The following ZNF420 variants were observed in gnomAD, a reference collection of about 807,000 sequenced individuals.
The protein encoded by ZNF420 is ATM and p53-associated KZNF protein.
In ZNF420, 31 loss-of-function variants were observed where a neutral mutation model predicts 44.7. That is an observed-to-expected ratio of 0.69 (90% CI 0.52 to 0.94). The LOEUF (loss-of-function observed/expected upper bound fraction) is 0.94, where lower values mean the gene tolerates loss of function less well. Ranked by LOEUF, ZNF420 falls within the 40% of genes least tolerant of loss-of-function variation. ZNF420 has a pLI of 0.00. For synonymous variants in ZNF420, 245 were observed against 267.4 expected, an observed-to-expected ratio of 0.92 and a Z score of 0.82; for missense variants, 681 against 827.9, an observed-to-expected ratio of 0.82 and a Z score of 2.18.
intron 1 of ZNF420, among the ~76,000 whole-genome samples, chr19:37,023,875 T>C (rs1368910086): frequency 6.6e-6 from 1 of 152,114 alleles, no homozygotes; most frequent in Non-Finnish European, 1.5e-5. Context: ...GTGGTATAAA[T>C]ACATTGACAC....
intron 1 of ZNF420, among the ~76,000 whole-genome samples, chr19:37,032,831 C>T (rs555291515): frequency 6.6e-6 from 1 of 152,222 alleles, no homozygotes; most frequent in South Asian, 2.1e-4. Flanking sequence ...GGACCTAGAG[C>T]AGCAGGAGGT....
chr19:37,130,042 C>G lies in ZNF420; in HGVS notation c.*984C>G. 6.5e-7 allele frequency: 1 copy of G among 1,538,174 alleles called. No homozygotes were observed. Among genetic ancestry groups the G allele is most frequent in the Middle Eastern group, 1.7e-4 (1 of 5,930 alleles). On this transcript the variant is annotated 3_prime_UTR_variant, in exon 5 of 5. Transcript: ENST00000337995. ...TTCTGGGCTGAAAATCTCAGCCTTC[C>G]TTGCAGGTCAACAAGATAGAAGTGA...
At chr19:37,012,812 G>C (rs1054273154) in intron 1 of ZNF420, among the ~76,000 whole-genome samples, 21 of 142,042 alleles carry the variant, frequency 1.5e-4, no homozygotes, top group Admixed American at 2.8e-4. Context: ...GTGTGTGTGT[G>C]TCTCCCATTC....
upstream of ZNF420, among the ~76,000 whole-genome samples, chr19:37,073,434 A>T (rs570447162): frequency 3.9e-5 from 6 of 152,330 alleles, no homozygotes; most frequent in East Asian, 1.2e-3. Flanking sequence ...AATGCACAAT[A>T]TAAGTACGAA....
intron 1 of ZNF420, among the ~76,000 whole-genome samples, chr19:37,029,554 C>CTT (rs1017561340): frequency 7.0e-6 from 1 of 142,916 alleles, no homozygotes; most frequent in Non-Finnish European, 1.5e-5. Context: ...TTTTCTTTTA[C>CTT]TTTTTTTTTT....
At chr19:37,125,688 A>G (rs1599729663) in intron 4 of ZNF420, among the ~76,000 whole-genome samples, 1 of 152,358 alleles carries the variant, frequency 6.6e-6, no homozygotes, top group Non-Finnish European at 1.5e-5. Flanking sequence ...AGTGCTAGAC[A>G]TCACAAAGAA....
At chr19:37,052,973 A>G (rs1022959427) in intron 1 of ZNF420, among the ~76,000 whole-genome samples, 1 of 152,030 alleles carries the variant, frequency 6.6e-6, no homozygotes, top group Non-Finnish European at 1.5e-5. Context: ...GCTTGGTTCT[A>G]TTCTCCCTGT....
intron 4 of ZNF420, among the ~76,000 whole-genome samples, chr19:37,114,840 AT>A (rs1231588964): frequency 1.3e-5 from 2 of 152,098 alleles, no homozygotes; most frequent in African/African-American, 4.8e-5. Flanking sequence ...AAGTGGGATG[AT>A]TTTACCCTCC....
In ZNF420 at chr19:37,128,403, G is replaced by T; in HGVS notation, c.1412G>T (p.Gly471Val). The change falls in exon 5 of 5, where the codon GGT becomes GTT. Residue 471 changes from glycine to valine, a missense_variant. This residue lies in a region of ZNF420 where 280 missense variants were observed against 338.6 expected (regional missense o/e 0.83). Coordinates refer to ENST00000337995, the MANE Select transcript of ZNF420 (RefSeq NM_144689.5). ...ACTCAACATGAGCGAATTCACACAG[G>T]TGAGAAACCCTATGAATGTAAGGAA... ...ELTQHERIHT[G>V]EKPYECKECG... is the part of the protein sequence containing the mutation. 2.5e-6 allele frequency: 4 copies of T among 1,614,054 alleles called. No homozygotes were observed. Among genetic ancestry groups the T allele is most frequent in the Non-Finnish European group, 3.4e-6 (4 of 1,179,972 alleles).
rs188433968 is a variant in ZNF420 at position 37,071,733 on chromosome 19, G to A, written c.-124-8612G>A. 6.7e-3 allele frequency among the ~76,000 whole-genome samples: 1,025 copies of A among 152,154 alleles called. 3 individuals carry two copies. The highest frequency in any genetic ancestry group is 0.01 in the Non-Finnish European group (709 of 67,972). On this transcript the variant is annotated intron_variant, in intron 1 of 4. Coordinates refer to the ZNF420 transcript ENST00000587029. ...GGAGAATCGCTTGAACCCAAGAGGCGGAGGTTGCAGTGAGCTGAGATCCTG... is the reference window on the plus strand; with the variant it reads ...GGAGAATCGCTTGAACCCAAGAGGCAGAGGTTGCAGTGAGCTGAGATCCTG...
chr19:37,098,119 T>G (rs147167345), intron 4 of ZNF420, among the ~76,000 whole-genome samples: 117 of 152,108 alleles, frequency 7.7e-4, no homozygotes, highest in Middle Eastern at 6.8e-3. Context: ...GCCTGGCTAA[T>G]TTTTGTAGTT....
intron 1 of ZNF420, among the ~76,000 whole-genome samples, chr19:37,048,807 G>A (rs1319940019): frequency 3.3e-5 from 5 of 151,854 alleles, no homozygotes; most frequent in Admixed American, 6.6e-5. Context: ...ATGTTGGTGT[G>A]CTGCACCCAT....
intron 4 of ZNF420, among the ~76,000 whole-genome samples, chr19:37,125,892 G>T (rs1458840837): frequency 6.6e-6 from 1 of 152,084 alleles, no homozygotes; most frequent in East Asian, 1.9e-4. Context: ...AGCTCTCAGG[G>T]TTCCCAACCC....
intron 1 of ZNF420, among the ~76,000 whole-genome samples, chr19:37,032,208 C>T (rs1294878748): frequency 6.6e-6 from 1 of 152,038 alleles, no homozygotes; most frequent in Non-Finnish European, 1.5e-5. Context: ...GGCGTGGTGG[C>T]ATGTGCCTGT....
chr19:37,072,941 A>T (rs546667395), intron 1 of ZNF420, among the ~76,000 whole-genome samples: 1 of 152,394 alleles, frequency 6.6e-6, no homozygotes, highest in South Asian at 2.1e-4. Context: ...AGATTACAAA[A>T]TAGTATGTAG....
chr19:37,050,794 G>A (rs1028147272), intron 1 of ZNF420, among the ~76,000 whole-genome samples: 3 of 152,158 alleles, frequency 2.0e-5, no homozygotes, highest in African/African-American at 7.2e-5. Flanking sequence ...TCTTGTGCCA[G>A]CTTTCAAAGG....
At chr19:37,067,785 C>T (rs1967992687) in intron 1 of ZNF420, among the ~76,000 whole-genome samples, 1 of 152,104 alleles carries the variant, frequency 6.6e-6, no homozygotes, top group African/African-American at 2.4e-5. Flanking sequence ...TAATCAAACA[C>T]TCAGCTCATA....
intron 1 of ZNF420, among the ~76,000 whole-genome samples, chr19:37,012,218 C>G (rs910998866): frequency 4.6e-5 from 7 of 152,194 alleles, no homozygotes; most frequent in African/African-American, 1.7e-4. Context: ...CTCAACGAAG[C>G]CCGCTCCTCG....
chr19:37,076,231 A>T (rs930940465), upstream of ZNF420, among the ~76,000 whole-genome samples: 1 of 151,924 alleles, frequency 6.6e-6, no homozygotes, highest in Admixed American at 6.6e-5. Context: ...AAAAGTAGTG[A>T]CCCAGAATCA....
Sources: gnomAD v4.1 joint callset for allele counts (sites outside exome capture counted in the v4.1 genomes callset) on GRCh38, gnomAD v4.1.1 for gene constraint, gnomAD v4.1.1 regional missense constraint, MANE v1.5 for transcripts, NCBI Gene and HGNC (gene_info 2026-07-23, HGNC 2026-07-21) for gene names.